Variants in ATXN1 observed in about 807,000 individuals in gnomAD.
ATXN1 encodes ataxin-1.
ATXN1 carries 8 observed loss-of-function variants against 56.4 expected under a neutral mutation model. That is an observed-to-expected ratio of 0.14 (90% CI 0.08 to 0.26). The LOEUF (loss-of-function observed/expected upper bound fraction) is 0.26, where lower values mean the gene tolerates loss of function less well. Among genes scored for constraint, ATXN1 ranks in the 10% least tolerant of loss-of-function variants. ATXN1 has a pLI of 1.00. For missense variants in ATXN1, 987 were observed against 1,106.5 expected, an observed-to-expected ratio of 0.89 and a Z score of 1.53; for synonymous variants, 514 against 494.6, an observed-to-expected ratio of 1.04 and a Z score of -0.52.
intron 5 of ATXN1, among the ~76,000 whole-genome samples, chr6:16,505,583 T>C (rs538548055): frequency 1.3e-5 from 2 of 152,300 alleles, no homozygotes; most frequent in African/African-American, 4.8e-5. Context: ...GAAGGGGCCT[T>C]AATAGGAACA....
In ATXN1 at chr6:16,433,842, C is replaced by T. The variant is rs59683312; in HGVS notation, c.-161+52130G>A. On this transcript the variant is annotated intron_variant, in intron 6 of 7. Coordinates refer to ENST00000436367, the MANE Select transcript of ATXN1 (RefSeq NM_001128164.2). Reference sequence around the variant, plus strand: ...CCAGGAGTTCCTGCCGGAGCTCAGGCGAGCCACGGATCGGCTCTGTGCCGC... The same window carrying T: ...CCAGGAGTTCCTGCCGGAGCTCAGGTGAGCCACGGATCGGCTCTGTGCCGC... 9.1e-3 allele frequency among the ~76,000 whole-genome samples: 1,391 copies of T among 152,314 alleles called. 22 individuals carry two copies. Among genetic ancestry groups the T allele is most frequent in the African/African-American group, 0.031 (1,286 of 41,550 alleles).
intron 3 of ATXN1, among the ~76,000 whole-genome samples, chr6:16,643,584 G>A (rs1263710498): frequency 2.2e-5 from 3 of 135,570 alleles, no homozygotes; most frequent in African/African-American, 8.5e-5. Context: ...AGCTGAGATT[G>A]CACCACTGCA....
At chr6:16,347,741 A>G (rs567452449) in intron 6 of ATXN1, among the ~76,000 whole-genome samples, 202 of 152,344 alleles carry the variant, frequency 1.3e-3, no homozygotes, top group Non-Finnish European at 2.3e-3. Flanking sequence ...GTACCCTGTC[A>G]AAACAGACCA....
chr6:16,743,695 C>G (rs866418259), intron 2 of ATXN1, among the ~76,000 whole-genome samples: 1 of 152,156 alleles, frequency 6.6e-6, no homozygotes, highest in African/African-American at 2.4e-5. Context: ...AACATAGTCC[C>G]TAGTCCAAGG....
intron 6 of ATXN1, among the ~76,000 whole-genome samples, chr6:16,476,766 T>TC (rs1437579225): frequency 6.6e-6 from 1 of 152,222 alleles, no homozygotes; most frequent in Non-Finnish European, 1.5e-5. Flanking sequence ...TTGGAGTTTT[T>TC]CTTTTTCCAA....
chr6:16,712,351 A>C (rs1759543066), intron 2 of ATXN1, among the ~76,000 whole-genome samples: 1 of 152,202 alleles, frequency 6.6e-6, no homozygotes, highest in South Asian at 2.1e-4. Flanking sequence ...CGTACAAAGG[A>C]ACAGTGAACA....
chr6:16,419,351 A>G (rs900815596), intron 6 of ATXN1, among the ~76,000 whole-genome samples: 1 of 152,194 alleles, frequency 6.6e-6, no homozygotes, highest in Admixed American at 6.5e-5. Context: ...CATTATTATA[A>G]TTAATAGCCA....
intron 5 of ATXN1, among the ~76,000 whole-genome samples, chr6:16,498,108 T>C (rs1760813169): frequency 6.6e-6 from 1 of 152,148 alleles, no homozygotes; most frequent in Non-Finnish European, 1.5e-5. Flanking sequence ...CAGAAGATTG[T>C]CATCATCCCC....
intron 4 of ATXN1, among the ~76,000 whole-genome samples, chr6:16,534,166 A>G (rs184972075): frequency 7.2e-5 from 11 of 152,166 alleles, no homozygotes; most frequent in Non-Finnish European, 2.9e-5. Flanking sequence ...GGTTTAGTAC[A>G]TTTGAATCAT....
intron 4 of ATXN1, among the ~76,000 whole-genome samples, chr6:16,547,055 G>A (rs918610543): frequency 6.6e-6 from 1 of 152,190 alleles, no homozygotes; most frequent in Non-Finnish European, 1.5e-5. Flanking sequence ...GTGGGAAAAG[G>A]GAAAAGAAAC....
At chr6:16,476,605 T>C (rs1760331530) in intron 6 of ATXN1, among the ~76,000 whole-genome samples, 1 of 152,278 alleles carries the variant, frequency 6.6e-6, no homozygotes, top group Non-Finnish European at 1.5e-5. Context: ...TTCAGGAATA[T>C]ACAATGTCTT....
rs539863558 is a variant in ATXN1, at chr6:16,350,462, G to A, written c.-160-21992C>T. 1.3e-4 allele frequency among the ~76,000 whole-genome samples: 20 copies of A among 152,286 alleles called. No individual in the cohort carries two copies. The East Asian group carries it at 2.1e-3, about 16-fold the overall frequency. On this transcript the variant is annotated intron_variant, in intron 6 of 7. Transcript: ENST00000436367. ...ACTCCGGTTCCATATTTCTGCTAAC[G>A]GTTTTGCACCATTTCTCCAAGCATA...
At chr6:16,689,076 T>C (rs1442690724) in intron 2 of ATXN1, among the ~76,000 whole-genome samples, 2 of 151,992 alleles carry the variant, frequency 1.3e-5, no homozygotes, top group Non-Finnish European at 2.9e-5. Context: ...TGTGTGTCCA[T>C]GTATTTAAAC....
chr6:16,637,771 C>A (rs553868520), intron 3 of ATXN1, among the ~76,000 whole-genome samples: 166 of 152,318 alleles, frequency 1.1e-3, no homozygotes, highest in African/African-American at 3.9e-3. Context: ...CTACGCCAGG[C>A]AAATCGCAAG....
chr6:16,699,784 C>CTG (rs764256034), intron 2 of ATXN1, among the ~76,000 whole-genome samples: 46 of 152,342 alleles, frequency 3.0e-4, no homozygotes, highest in African/African-American at 1.1e-3. Flanking sequence ...TAAGAATCAA[C>CTG]TGTGTCCCTT....
Position 16,301,554 on chromosome 6 carries a change from G to A in ATXN1, c.*4775C>T, listed in dbSNP as rs1370696406. 6.6e-6 allele frequency: 1 copy of A among 152,106 alleles called. No homozygotes were observed. The highest frequency in any genetic ancestry group is 1.5e-5 in the Non-Finnish European group (1 of 67,936). The allele number at this position is 152,106 out of a possible 1,614,324, so 9.4% of individuals were successfully genotyped here. The stretch of plus-strand genomic sequence containing the variant: ...AAATTCTCTATTTCAGAAATTCTGG[G>A]TTAAAAACAAATGTGGAAGCAAAGG... On this transcript the variant is annotated 3_prime_UTR_variant, in exon 8 of 8. Coordinates refer to ENST00000436367, the MANE Select transcript of ATXN1 (RefSeq NM_001128164.2).
At chr6:16,554,600 C>T (rs6900697) in intron 4 of ATXN1, among the ~76,000 whole-genome samples, 17,855 of 151,946 alleles carry the variant, frequency 0.12, 3,347 homozygotes, top group African/African-American at 0.4. Context: ...TACAGGCGCC[C>T]GCCACCACGC....
At chr6:16,755,940 A>T (rs1228025376) in intron 1 of ATXN1, among the ~76,000 whole-genome samples, 1 of 152,148 alleles carries the variant, frequency 6.6e-6, no homozygotes, top group East Asian at 1.9e-4. Context: ...TCAATGAAAC[A>T]TTTCTGCTAA....
chr6:16,733,262 A>G (rs1240584), intron 2 of ATXN1, among the ~76,000 whole-genome samples: 10,436 of 152,292 alleles, frequency 0.069, 1,169 homozygotes, highest in African/African-American at 0.24. Context: ...GAGCCACACT[A>G]TTAAGAACCA....
Sources: gnomAD v4.1 joint callset for allele counts (sites outside exome capture counted in the v4.1 genomes callset) on GRCh38, gnomAD v4.1.1 for gene constraint, MANE v1.5 for transcripts, NCBI Gene and HGNC (gene_info 2026-07-23, HGNC 2026-07-21) for gene names.